Variants in NCOR2 observed in about 807,000 individuals in gnomAD.
The protein encoded by NCOR2 is nuclear receptor corepressor 2, also known as CTG repeat protein 26.
NCOR2 carries 81 observed loss-of-function variants against 262.9 expected under a neutral mutation model. The observed-to-expected ratio is 0.31, with a 90% CI of 0.26 to 0.37. The LOEUF is 0.37. Ranked by LOEUF, NCOR2 falls within the 10% of genes least tolerant of loss-of-function variation. The pLI is 1.00. For missense variants in NCOR2, 3,385 were observed against 3,621.4 expected (o/e 0.93, Z 1.68); for synonymous variants, 1,659 against 1,559.3 (o/e 1.06, Z -1.51).
intron 27 of NCOR2, among the ~76,000 whole-genome samples, chr12:124,351,112 G>A (rs1055122553): frequency 2.6e-5 from 4 of 152,162 alleles, no homozygotes; most frequent in Admixed American, 6.5e-5. Flanking sequence ...GGCAGGCGGG[G>A]ACTTGAACCC....
intron 1 of NCOR2, among the ~76,000 whole-genome samples, chr12:124,560,225 T>C (rs2052023989): frequency 6.6e-6 from 1 of 152,110 alleles, no homozygotes; most frequent in Non-Finnish European, 1.5e-5. Flanking sequence ...GGCCAGAGAG[T>C]AAATATTTTA....
At chr12:124,377,062 G>A (rs1245750732) in intron 18 of NCOR2, among the ~76,000 whole-genome samples, 2 of 152,234 alleles carry the variant, frequency 1.3e-5, no homozygotes, top group Non-Finnish European at 2.9e-5. Flanking sequence ...GGATGCACTC[G>A]TGACCGAGAG....
rs113407410 is a variant in NCOR2, at chr12:124,471,070, C to T, written c.591+1882G>A. On this transcript the variant is annotated intron_variant, in intron 4 of 46. Coordinates refer to ENST00000405201, the Ensembl canonical transcript of NCOR2. The stretch of plus-strand genomic sequence containing the variant: ...GCCTGTGCCACCAACATGAGACCTA[C>T]CCACTGCCCACTGAAGCCTAGGACA... Among the ~76,000 whole-genome samples the T allele has an allele frequency of 9.3e-3, 1,415 of 152,328 alleles. 19 individuals carry two copies. The highest frequency in any genetic ancestry group is 0.031 in the African/African-American group (1,279 of 41,570).
chr12:124,520,567 G>A (rs1027284861), intron 1 of NCOR2, among the ~76,000 whole-genome samples: 2 of 152,128 alleles, frequency 1.3e-5, no homozygotes, highest in Non-Finnish European at 2.9e-5. Context: ...ACGGCCACTC[G>A]TTCTGCTTCC....
At chr12:124,559,379 T>C (rs2051995567) in intron 1 of NCOR2, among the ~76,000 whole-genome samples, 1 of 152,044 alleles carries the variant, frequency 6.6e-6, no homozygotes, top group African/African-American at 2.4e-5. Context: ...GCCAAGCAGT[T>C]CTCGAGGGCC....
intron 22 of NCOR2, among the ~76,000 whole-genome samples, chr12:124,359,755 G>T (rs991131861): frequency 1.3e-5 from 2 of 152,248 alleles, no homozygotes; most frequent in African/African-American, 2.4e-5. Flanking sequence ...AGAGCCTGGA[G>T]AGACAACCTG....
chr12:124,511,674 A>G (rs701043), intron 1 of NCOR2, among the ~76,000 whole-genome samples: 101,830 of 151,948 alleles, frequency 0.67, 36,885 homozygotes, highest in East Asian at 0.88. Flanking sequence ...AGGCAGGTTC[A>G]AGCAAGGCGT....
chr12:124,343,037 G>A, exon 33 of NCOR2: 1 of 1,611,862 alleles, frequency 6.2e-7, no homozygotes, highest in Non-Finnish European at 8.5e-7. Context: ...GGGTATGGAG[G>A]TGGGGTCGAA....
At chr12:124,338,297 C>A (rs1346623041) in intron 37 of NCOR2, among the ~76,000 whole-genome samples, 3 of 152,112 alleles carry the variant, frequency 2.0e-5, no homozygotes, top group African/African-American at 7.2e-5. Context: ...CACTTGAGGT[C>A]AGAAGTTTGA....
chr12:124,359,739 C>A (rs371211626), intron 22 of NCOR2, among the ~76,000 whole-genome samples: 15 of 152,202 alleles, frequency 9.9e-5, no homozygotes, highest in Admixed American at 6.5e-4. Context: ...GCTGGGCGGG[C>A]GGCCGAGAGC....
exon 34 of NCOR2, chr12:124,342,056 G>T: frequency 6.2e-7 from 1 of 1,610,820 alleles, no homozygotes; most frequent in Non-Finnish European, 8.5e-7. Context: ...CAGGTGTCGG[G>T]GCAGGTAGTA....
chr12:124,369,396 A>T (rs1212480321), intron 20 of NCOR2, among the ~76,000 whole-genome samples: 1 of 152,036 alleles, frequency 6.6e-6, no homozygotes, highest in East Asian at 1.9e-4. Flanking sequence ...CCAGGAACAC[A>T]GAGCTCCCCC....
chr12:124,449,679 T>A, intron 7 of NCOR2, 136 bp downstream of exon 9: 52 of 654,056 alleles, frequency 8.0e-5, no homozygotes, highest in Non-Finnish European at 9.2e-5. Flanking sequence ...TCCTGTCCCC[T>A]CCGGGAGCAC....
chr12:124,366,973 A>G (rs745431107), intron 20 of NCOR2, among the ~76,000 whole-genome samples: 6 of 152,238 alleles, frequency 3.9e-5, no homozygotes, highest in Admixed American at 6.5e-5. Flanking sequence ...ATATTTTTAT[A>G]TGTGTGTACA....
At chr12:124,352,008 G>A (rs4765553) in intron 27 of NCOR2, among the ~76,000 whole-genome samples, 48,714 of 151,766 alleles carry the variant, frequency 0.32, 8,123 homozygotes, top group East Asian at 0.46. Flanking sequence ...CTTTGCGGAG[G>A]GCAACAGCAA....
At chr12:124,346,985 T>C (rs948920267) in intron 30 of NCOR2, 135 bp from the exon 33 acceptor site, 1 of 1,096,666 alleles carries the variant, frequency 9.1e-7, no homozygotes, top group Admixed American at 3.4e-5. Context: ...CCAGGAAATC[T>C]GACCTCTCTG....
In NCOR2 at chr12:124,548,943, T is replaced by C. The variant is rs1482320101; in HGVS notation, c.-164-13332A>G. Among the ~76,000 whole-genome samples the C allele has an allele frequency of 1.3e-5, 2 of 152,182 alleles. No individual in the cohort carries two copies. Among genetic ancestry groups the C allele is most frequent in the African/African-American group, 4.8e-5 (2 of 41,438 alleles). ...ATTCTGAGTGGGAGCCAGCCACTCC[T>C]CCCTCTCGTTTCCCCGCTTCCCCTT... On this transcript the variant is annotated intron_variant, in intron 1 of 32. Coordinates refer to the NCOR2 transcript ENST00000458234. The surrounding 1 kb of genome is among the most constrained non-coding windows in gnomAD (Gnocchi z 5.1).
rs368759840 is a variant in NCOR2, at chr12:124,565,206, T to C, written c.-165+2102A>G. 2.2e-4 allele frequency among the ~76,000 whole-genome samples: 34 copies of C among 152,160 alleles called. No individual in the cohort carries two copies. The East Asian group carries it at 5.6e-3, about 25-fold the overall frequency. On this transcript the variant is annotated intron_variant, in intron 1 of 32. Transcript: ENST00000458234. ...TAGTATTGATCCCCAGCAGCGTAAATAGCTCAGTGGGAAGAGGCCAGGGCT... is the reference window on the plus strand; with the variant it reads ...TAGTATTGATCCCCAGCAGCGTAAACAGCTCAGTGGGAAGAGGCCAGGGCT...
chr12:124,411,622 G>GC (rs964720479), intron 13 of NCOR2, among the ~76,000 whole-genome samples: 11 of 152,242 alleles, frequency 7.2e-5, no homozygotes, highest in African/African-American at 2.7e-4. Context: ...CTGCAGTCAG[G>GC]CCCCAGCATT....
Sources: gnomAD v4.1 joint callset for allele counts (sites outside exome capture counted in the v4.1 genomes callset) on GRCh38, gnomAD v4.1.1 for gene constraint, Gnocchi (gnomAD v3.1) non-coding constraint, MANE v1.5 for transcripts, NCBI Gene and HGNC (gene_info 2026-07-23, HGNC 2026-07-21) for gene names.